Variants in PTGER3 observed in about 807,000 individuals in gnomAD.
PTGER3 encodes prostaglandin E2 receptor EP3 subtype.
Under a neutral mutation model 34.7 loss-of-function variants are expected in PTGER3, and 22 were observed. That is an observed-to-expected ratio of 0.63 (90% CI 0.45 to 0.91). PTGER3 has a LOEUF of 0.91. Ranked by LOEUF, PTGER3 falls within the 40% of genes least tolerant of loss-of-function variation. The pLI, the probability that PTGER3 is intolerant of heterozygous loss-of-function variation, is 0.00. For synonymous variants in PTGER3, 241 were observed against 230.1 expected (o/e 1.05, Z -0.43); for missense variants, 468 against 519.4 (o/e 0.90, Z 0.96).
chr1:70,972,529 A>AATAT (rs1243061481), intron 3 of PTGER3, among the ~76,000 whole-genome samples: 1 of 150,808 alleles, frequency 6.6e-6, no homozygotes, highest in African/African-American at 2.4e-5. Flanking sequence ...CTTATGGTAA[A>AATAT]ATATATATAT....
downstream of PTGER3, among the ~76,000 whole-genome samples, chr1:70,949,720 G>A (rs1405537216): frequency 2.0e-5 from 3 of 152,158 alleles, no homozygotes; most frequent in African/African-American, 4.8e-5. Context: ...GTAGGTGAAG[G>A]TCTAGATATT....
intron 4 of PTGER3, among the ~76,000 whole-genome samples, chr1:70,938,621 G>A (rs1649466142): frequency 6.6e-6 from 1 of 152,082 alleles, no homozygotes; most frequent in Non-Finnish European, 1.5e-5. Context: ...TGGCTGGGGA[G>A]GCTTCAGAAT....
intron 4 of PTGER3, among the ~76,000 whole-genome samples, chr1:70,912,974 G>A (rs1034225019): frequency 4.6e-5 from 7 of 151,760 alleles, no homozygotes; most frequent in African/African-American, 9.7e-5. Flanking sequence ...AATTATCTTG[G>A]CTACTCTAGC....
At chr1:70,996,261 G>T (rs1655929176) in intron 2 of PTGER3, among the ~76,000 whole-genome samples, 1 of 151,848 alleles carries the variant, frequency 6.6e-6, no homozygotes, top group Admixed American at 6.6e-5. Context: ...TTAAGAATTA[G>T]GTTGAATAGT....
chr1:70,943,891 T>G (rs1173877074), intron 4 of PTGER3, among the ~76,000 whole-genome samples: 1 of 148,278 alleles, frequency 6.7e-6, no homozygotes, highest in Admixed American at 6.7e-5. Context: ...GTAATACCAG[T>G]TAATTTTCAT....
Position 70,971,085 on chromosome 1 carries a change from A to C in PTGER3, c.*645T>G. On this transcript the variant is annotated 3_prime_UTR_variant, in exon 4 of 4. Coordinates refer to ENST00000306666, the MANE Select transcript of PTGER3 (RefSeq NM_198719.2). ...TTGTCATCAAAAGCTTAGAAATAACAATTAAGCAGATTCCTGAGTTACTAA... is the reference window on the plus strand; with the variant it reads ...TTGTCATCAAAAGCTTAGAAATAACCATTAAGCAGATTCCTGAGTTACTAA... 1.0e-6 allele frequency: 1 copy of C among 985,286 alleles called. No homozygotes were observed. The highest frequency in any genetic ancestry group is 1.2e-6 in the Non-Finnish European group (1 of 829,818). 61.0% of individuals were successfully genotyped at this position (985,286 alleles called of 1,614,324 possible).
At chr1:70,940,776 A>G (rs892208161) in intron 4 of PTGER3, among the ~76,000 whole-genome samples, 4 of 152,150 alleles carry the variant, frequency 2.6e-5, no homozygotes, top group Non-Finnish European at 4.4e-5. Flanking sequence ...ATTCAAGTTG[A>G]TATTTGAGTG....
At chr1:70,934,936 C>A (rs1649062413) in intron 4 of PTGER3, among the ~76,000 whole-genome samples, 1 of 152,138 alleles carries the variant, frequency 6.6e-6, no homozygotes, top group African/African-American at 2.4e-5. Context: ...TTTAACCTAG[C>A]AGTTCTAAAC....
intron 1 of PTGER3, among the ~76,000 whole-genome samples, chr1:71,044,736 G>A (rs2050065): frequency 6.6e-6 from 1 of 151,920 alleles, no homozygotes; most frequent in Admixed American, 6.5e-5. Context: ...ACATGGCTTC[G>A]CTTTGACTTA....
At chr1:70,981,143 T>C (rs918627760) in intron 2 of PTGER3, among the ~76,000 whole-genome samples, 1 of 152,076 alleles carries the variant, frequency 6.6e-6, no homozygotes, top group Non-Finnish European at 1.5e-5. Flanking sequence ...TGGTGGACAA[T>C]AGGCAAGAGA....
At position 70,957,470 on chromosome 1, in the gene PTGER3, G is replaced by T. The variant is rs1572756744; in HGVS notation, c.1078-3681C>A. On this transcript the variant is annotated intron_variant, in intron 2 of 3. Transcript: ENST00000356595. ...TCCCACCATGTGCTTTAAAAACTTT[G>T]TACTATTTATTTTTTTGCAGGGAAA... 2.6e-5 allele frequency among the ~76,000 whole-genome samples: 4 copies of T among 152,202 alleles called. No homozygotes were observed. In the East Asian group the frequency reaches 7.7e-4, roughly 29 times the overall value.
chr1:70,957,654 G>A (rs748691387), intron 2 of PTGER3, among the ~76,000 whole-genome samples: 5 of 152,070 alleles, frequency 3.3e-5, no homozygotes, highest in Non-Finnish European at 5.9e-5. Context: ...GATCAAATTG[G>A]AGTAGTTATC....
At chr1:70,998,451 A>G (rs1003170754) in intron 2 of PTGER3, 3 of 152,224 alleles carry the variant, frequency 2.0e-5, no homozygotes, top group Non-Finnish European at 4.4e-5. Flanking sequence ...TCTGCAAGTG[A>G]TAAACCTCAA....
chr1:70,978,075 T>A (rs966825733), intron 2 of PTGER3, among the ~76,000 whole-genome samples: 11 of 152,142 alleles, frequency 7.2e-5, no homozygotes, highest in African/African-American at 2.4e-4. Flanking sequence ...GTAACTTGCC[T>A]AAGGTCACCT....
At chr1:70,954,759 T>G (rs1651139639) in intron 2 of PTGER3, among the ~76,000 whole-genome samples, 2 of 152,180 alleles carry the variant, frequency 1.3e-5, no homozygotes, top group African/African-American at 4.8e-5. Flanking sequence ...ATACAAATAT[T>G]TCTTTTTTGT....
intron 1 of PTGER3, among the ~76,000 whole-genome samples, chr1:71,025,059 T>TC (rs1256540785): frequency 7.9e-5 from 3 of 37,894 alleles, no homozygotes; most frequent in Non-Finnish European, 1.5e-4. Flanking sequence ...CCCTCCCCCC[T>TC]CCCCCACCCC....
intron 4 of PTGER3, among the ~76,000 whole-genome samples, chr1:70,857,826 T>TATA (rs1202049918): frequency 6.6e-6 from 1 of 152,192 alleles, no homozygotes; most frequent in Non-Finnish European, 1.5e-5. Flanking sequence ...GCAATTTTAA[T>TATA]ATAACCTAAA....
intron 2 of PTGER3, among the ~76,000 whole-genome samples, chr1:70,992,102 G>A (rs939987623): frequency 6.6e-6 from 1 of 152,174 alleles, no homozygotes; most frequent in African/African-American, 2.4e-5. Context: ...GAGCCCTGAG[G>A]AGGGTGAGTA....
chr1:70,938,521 A>G (rs1377394018), intron 4 of PTGER3, among the ~76,000 whole-genome samples: 2 of 152,122 alleles, frequency 1.3e-5, no homozygotes, highest in East Asian at 3.9e-4. Flanking sequence ...ATTTTCAAAC[A>G]TCTGGTCTAT....
Sources: gnomAD v4.1 joint callset for allele counts (sites outside exome capture counted in the v4.1 genomes callset) on GRCh38, gnomAD v4.1.1 for gene constraint, MANE v1.5 for transcripts, NCBI Gene and HGNC (gene_info 2026-07-23, HGNC 2026-07-21) for gene names.